Variants in COL11A1 observed in about 807,000 individuals in gnomAD.
COL11A1 encodes collagen type XI alpha 1 chain, also known as collagen alpha-1(XI) chain.
COL11A1 carries 74 observed loss-of-function variants against 265.2 expected under a neutral mutation model. The ratio of observed to expected loss-of-function variants is 0.28; its 90% CI spans 0.23 to 0.34. The LOEUF (loss-of-function observed/expected upper bound fraction) is 0.34. COL11A1 is among the 10% of genes least tolerant of loss of function. COL11A1 has a pLI of 1.00. For synonymous variants in COL11A1, 816 were observed against 727.6 expected (o/e 1.12, Z -1.96); for missense variants, 2,165 against 2,263.6 (o/e 0.96, Z 0.88).
Position 102,897,043 on chromosome 1 carries a change from A to G in COL11A1, c.4302+1082T>C, listed in dbSNP as rs185804501. Among the ~76,000 whole-genome samples the G allele has an allele frequency of 9.2e-5, 14 of 152,152 alleles. No individual in the cohort carries two copies. In the East Asian group the frequency reaches 2.7e-3, roughly 29 times the overall value. On this transcript the variant is annotated intron_variant, in intron 57 of 66. Coordinates refer to ENST00000370096, the MANE Select transcript of COL11A1 (RefSeq NM_001854.4). ...ATCATCTCCTGCTTGAAATCTACCA[A>G]AATTTGATAACTTTTATCTAGTTAC...
intron 54 of COL11A1, among the ~76,000 whole-genome samples, chr1:102,899,262 A>C (rs1466789358): frequency 6.6e-6 from 1 of 152,172 alleles, no homozygotes; most frequent in Non-Finnish European, 1.5e-5. Flanking sequence ...TTTTTAAAGA[A>C]ATGCTGATGA....
chr1:103,023,314 G>A (rs1667249887), intron 7 of COL11A1, among the ~76,000 whole-genome samples: 1 of 151,528 alleles, frequency 6.6e-6, no homozygotes, highest in East Asian at 1.9e-4. Flanking sequence ...CACAGTTTAA[G>A]ATTTGAACAA....
chr1:103,007,923 T>C (rs552685979), intron 15 of COL11A1, among the ~76,000 whole-genome samples: 1 of 150,034 alleles, frequency 6.7e-6, no homozygotes, highest in South Asian at 2.1e-4. Flanking sequence ...AGCTTTGTAA[T>C]GAGAAGACTG....
At position 102,923,939 on chromosome 1, in the gene COL11A1, T is replaced by C. The variant is rs550373893; in HGVS notation, c.3601-550A>G. On this transcript the variant is annotated intron_variant, in intron 46 of 66. Coordinates refer to ENST00000370096, the MANE Select transcript of COL11A1 (RefSeq NM_001854.4). ...AAAAATTCTTTCAGGCCGGGCGCAGTGGCTCACGGCTGTAATCCCAGCACT... is the reference window on the plus strand; with the variant it reads ...AAAAATTCTTTCAGGCCGGGCGCAGCGGCTCACGGCTGTAATCCCAGCACT... 2.7e-3 allele frequency among the ~76,000 whole-genome samples: 417 copies of C among 151,806 alleles called. 6 individuals carry two copies. The highest frequency in any genetic ancestry group is 7.7e-4 in the East Asian group (4 of 5,164).
intron 5 of COL11A1, among the ~76,000 whole-genome samples, chr1:103,026,711 C>T (rs963003337): frequency 1.3e-5 from 2 of 151,900 alleles, no homozygotes; most frequent in Non-Finnish European, 2.9e-5. Context: ...TCTATAAGAG[C>T]GCTACAGTAA....
chr1:103,092,653 T>A (rs1244688255), intron 1 of COL11A1, among the ~76,000 whole-genome samples: 1 of 152,278 alleles, frequency 6.6e-6, no homozygotes, highest in South Asian at 2.1e-4. Flanking sequence ...GTGGCAAGTA[T>A]CTGCTTAAAT....
intron 46 of COL11A1, among the ~76,000 whole-genome samples, chr1:102,927,417 A>G (rs1656721243): frequency 6.6e-6 from 1 of 152,160 alleles, no homozygotes; most frequent in South Asian, 2.1e-4. Context: ...CGGAAGGTAA[A>G]AAAACAAGCC....
At chr1:103,019,226 C>T (rs984752487) in intron 9 of COL11A1, among the ~76,000 whole-genome samples, 1 of 151,952 alleles carries the variant, frequency 6.6e-6, no homozygotes, top group Admixed American at 6.6e-5. Context: ...TGGCATAAAA[C>T]AGAAACTTAG....
At position 103,005,855 on chromosome 1, in the gene COL11A1, C is replaced by T; in HGVS notation, c.1828G>A (p.Gly610Ser). Residue 610 changes from glycine to serine, a missense_variant, in exon 18 of 67, where the codon GGT becomes AGT. Physicochemically the swap from Gly to Ser is moderately conservative, Grantham distance 56. Coordinates refer to ENST00000370096, the MANE Select transcript of COL11A1 (RefSeq NM_001854.4). The part of the protein sequence containing the change: ...RGFDGLPGLP[G>S]DKGHRGERGP... ...TATCTTACCCTGTGACCTTTGTCAC[C>T]TGGCAGACCCGGAAGTCCATCAAAC... is the stretch of plus-strand genomic sequence containing the variant. The T allele has an allele frequency of 6.2e-7, 1 of 1,614,014 alleles. No homozygotes were observed. Among genetic ancestry groups the T allele is most frequent in the Non-Finnish European group, 8.5e-7 (1 of 1,180,008 alleles).
chr1:102,880,607 T>G lies in COL11A1; in HGVS notation c.5041-691A>C, dbSNP rs1650115067. Among the ~76,000 whole-genome samples the G allele has an allele frequency of 1.3e-5, 2 of 152,156 alleles. 1 individual carries two copies. Among genetic ancestry groups the G allele is most frequent in the South Asian group, 4.1e-4 (2 of 4,830 alleles). On this transcript the variant is annotated intron_variant, in intron 65 of 66. Transcript: ENST00000370096. Reference sequence around the variant, plus strand: ...GTCTCAGTTGTAATTTATTAGCAACTGTCTCATATCATCTTTATAAATTGT... The same window carrying G: ...GTCTCAGTTGTAATTTATTAGCAACGGTCTCATATCATCTTTATAAATTGT...
chr1:102,935,260 C>A (rs1283687591), intron 44 of COL11A1, 147 bp from the exon 45 acceptor site: 1 of 659,282 alleles, frequency 1.5e-6, no homozygotes, highest in Non-Finnish European at 2.7e-6. Flanking sequence ...TTTGCATTTA[C>A]TGCAATCATT....
At chr1:102,990,789 T>C (rs563236365) in intron 28 of COL11A1, among the ~76,000 whole-genome samples, 1 of 152,152 alleles carries the variant, frequency 6.6e-6, no homozygotes, top group East Asian at 1.9e-4. Flanking sequence ...TCCCAGCAGT[T>C]TGGGAGGCTG....
In COL11A1 at chr1:102,890,073, T is replaced by C. The variant is rs1281628045; in HGVS notation, c.4356+378A>G. 4.6e-5 allele frequency among the ~76,000 whole-genome samples: 7 copies of C among 152,208 alleles called. No homozygotes were observed. The East Asian group carries it at 1.3e-3, about 29-fold the overall frequency. ...TGGTGCAACTCAGCATAAATTCTAG[T>C]ACATCAAATTAGTATTTGAAAGATA... On this transcript the variant is annotated intron_variant, in intron 58 of 66. Coordinates refer to ENST00000370096, the MANE Select transcript of COL11A1 (RefSeq NM_001854.4).
intron 7 of COL11A1, among the ~76,000 whole-genome samples, chr1:103,024,983 T>C (rs1667406993): frequency 6.6e-6 from 1 of 152,098 alleles, no homozygotes; most frequent in Non-Finnish European, 1.5e-5. Flanking sequence ...TAGAAAATAA[T>C]GGAAAGATTA....
intron 4 of COL11A1, among the ~76,000 whole-genome samples, chr1:103,041,214 G>T (rs1202925971): frequency 6.6e-6 from 1 of 151,676 alleles, no homozygotes; most frequent in African/African-American, 2.4e-5. Flanking sequence ...GTAAATTTTA[G>T]ATTTATTTTT....
chr1:103,047,235 A>G (rs1166173158), intron 4 of COL11A1, among the ~76,000 whole-genome samples: 1 of 152,218 alleles, frequency 6.6e-6, no homozygotes, highest in Non-Finnish European at 1.5e-5. Flanking sequence ...TTTCCTACCC[A>G]TGAGCATGGA....
At chr1:103,030,643 G>T (rs1369882761) in intron 5 of COL11A1, among the ~76,000 whole-genome samples, 1 of 149,764 alleles carries the variant, frequency 6.7e-6, no homozygotes, top group African/African-American at 2.5e-5. Context: ...TTTCCTATGA[G>T]AAAATTTTTT....
chr1:103,102,211 A>G (rs1674334579), intron 1 of COL11A1, among the ~76,000 whole-genome samples: 1 of 152,074 alleles, frequency 6.6e-6, no homozygotes, highest in African/African-American at 2.4e-5. Flanking sequence ...GATGCATTCT[A>G]AAACAGAAAG....
In COL11A1 at chr1:102,962,438, A is replaced by T. The variant is rs4353117; in HGVS notation, c.3025-173T>A. ...AATGAACTACCCACTACCTACATTT[A>T]ACGTTACATATATATTAAAGATTTT... On this transcript the variant is annotated intron_variant, in intron 39 of 66. Transcript: ENST00000370096. Among the ~76,000 whole-genome samples, 20,535 of 152,216 alleles carry T rather than the reference A, an allele frequency of 0.13. 1,524 individuals carry two copies. The highest frequency in any genetic ancestry group is 0.18 in the Middle Eastern group (53 of 292).
Sources: allele counts gnomAD v4.1 joint callset (sites outside exome capture counted in the v4.1 genomes callset), GRCh38; gene constraint gnomAD v4.1.1; transcripts MANE v1.5; gene names NCBI Gene and HGNC (gene_info 2026-07-23, HGNC 2026-07-21).